UTP4: variants seen among roughly 807,000 people sequenced by gnomAD.
The protein encoded by UTP4 is U3 small nucleolar RNA-associated protein 4 homolog.
A neutral mutation model predicts 82.4 loss-of-function variants in UTP4; 45 were observed. The ratio of observed to expected loss-of-function variants is 0.55; its 90% CI spans 0.43 to 0.70. UTP4 has a LOEUF of 0.70. Ranked by LOEUF, UTP4 falls within the 30% of genes least tolerant of loss-of-function variation. The pLI, the probability that UTP4 is intolerant of heterozygous loss-of-function variation, is 0.00. For missense variants in UTP4, 819 were observed against 858.3 expected, an observed-to-expected ratio of 0.95 and a Z score of 0.57; for synonymous variants, 348 against 300.3, an observed-to-expected ratio of 1.16 and a Z score of -1.64.
In UTP4 at chr16:69,163,148, C is replaced by T. The variant is rs201787711; in HGVS notation, c.1617C>T (p.Asn539=). 5.6e-6 allele frequency: 9 copies of T among 1,614,012 alleles called. No homozygotes were observed. The highest frequency in any genetic ancestry group is 1.6e-4 in the Middle Eastern group (1 of 6,062). Residue 539 remains asparagine, a synonymous_variant, in exon 14 of 17, where the codon AAC becomes AAT. Transcript: ENST00000314423. ...VTAMAIAPNT[N]NLVIAHSDQQ... ...CTATGGCTATTGCCCCCAATACCAA[C>T]AACCTTGTCATCGCTCATTCGGACC... is the stretch of plus-strand genomic sequence containing the variant.
chr16:69,154,064 AG>A, intron 9 of UTP4, among the ~76,000 whole-genome samples: 1 of 152,312 alleles, frequency 6.6e-6, no homozygotes. Flanking sequence ...GTGACAGCCT[AG>A]TGGCCTTTTT....
At chr16:69,156,443 C>T (rs192628218) in intron 11 of UTP4, among the ~76,000 whole-genome samples, 7 of 147,348 alleles carry the variant, frequency 4.8e-5, no homozygotes, top group Admixed American at 2.7e-4. Flanking sequence ...GCATTACAGG[C>T]GTGAGCCACC....
In UTP4 at chr16:69,168,976, C is replaced by G; in HGVS notation, c.*39C>G. 8.1e-7 allele frequency: 1 copy of G among 1,235,438 alleles called. No homozygotes were observed. Among genetic ancestry groups the G allele is most frequent in the East Asian group, 2.3e-5 (1 of 43,178 alleles). The allele number at this position is 1,235,438 out of a possible 1,614,324, so 76.5% of individuals were successfully genotyped here. On this transcript the variant is annotated 3_prime_UTR_variant, in exon 17 of 17. Transcript: ENST00000314423. Reference sequence around the variant, plus strand: ...CTGTGTCCTTCCTTGAACTGTCTACCCTGTTGCTTTTCACAAATCATGGTA... The same window carrying G: ...CTGTGTCCTTCCTTGAACTGTCTACGCTGTTGCTTTTCACAAATCATGGTA...
chr16:69,141,962 ATAT>A (rs1962970429), intron 5 of UTP4, among the ~76,000 whole-genome samples: 1 of 149,262 alleles, frequency 6.7e-6, no homozygotes, highest in Non-Finnish European at 1.5e-5. Flanking sequence ...AGCGTTAGGT[ATAT>A]CTCCTAATGC....
At chr16:69,151,760 C>G (rs1963275389) in intron 8 of UTP4, among the ~76,000 whole-genome samples, 1 of 151,744 alleles carries the variant, frequency 6.6e-6, no homozygotes, top group Non-Finnish European at 1.5e-5. Flanking sequence ...AGCAGCACAC[C>G]TAGTTCAGTT....
rs527919884 is a variant in UTP4, at chr16:69,151,482, C to T, written c.1002+578C>T. ...GACTACAGGTGCCCACCACCACGCC[C>T]GGCTAATTTTTTTATTTTTAGTAGA... On this transcript the variant is annotated intron_variant, in intron 8 of 16. Transcript: ENST00000314423. Among the ~76,000 whole-genome samples the T allele has an allele frequency of 2.5e-3, 385 of 151,944 alleles. 2 individuals carry two copies. The highest frequency in any genetic ancestry group is 8.9e-3 in the African/African-American group (367 of 41,438).
intron 13 of UTP4, among the ~76,000 whole-genome samples, chr16:69,160,947 A>G (rs1295155423): frequency 6.6e-6 from 1 of 152,012 alleles, no homozygotes; most frequent in Non-Finnish European, 1.5e-5. Flanking sequence ...ATCCTGTTTT[A>G]TTTTTATGGA....
At chr16:69,137,938 T>A in intron 4 of UTP4, 53 bp downstream of exon 4, 3 of 1,055,122 alleles carry the variant, frequency 2.8e-6, no homozygotes, top group Non-Finnish European at 4.5e-6. Context: ...AAATTAAGTT[T>A]CTGTGCCACT....
intron 5 of UTP4, among the ~76,000 whole-genome samples, 167 bp downstream of exon 5, chr16:69,140,081 C>A (rs961078657): frequency 3.3e-5 from 5 of 152,152 alleles, no homozygotes; most frequent in African/African-American, 9.7e-5. Context: ...TGGATTACTA[C>A]CACTGCTTTT....
chr16:69,160,295 A>G, intron 12 of UTP4, 61 bp from the exon 13 acceptor site: 1 of 1,311,454 alleles, frequency 7.6e-7, no homozygotes, highest in Non-Finnish European at 1.1e-6. Context: ...CATCATCTCC[A>G]GGGCAGGTCT....
Position 69,165,476 on chromosome 16 carries a change from C to T in UTP4, c.1783C>T (p.His595Tyr). The change falls in exon 15 of 17, where the codon CAC becomes TAC. Residue 595 changes from histidine to tyrosine, a missense_variant. His to Tyr is a moderately conservative substitution (Grantham distance 83). Coordinates refer to ENST00000314423, the MANE Select transcript of UTP4 (RefSeq NM_032830.3). ...CAGTTTTCATCCCAAGAGACCGATGCACATCCTTCTCCATGATGCCTACAT... is the reference window on the plus strand; with the variant it reads ...CAGTTTTCATCCCAAGAGACCGATGTACATCCTTCTCCATGATGCCTACAT... ...HISFHPKRPM[H>Y]ILLHDAYMFC... is the part of the protein sequence containing the mutation. 6.2e-7 allele frequency: 1 copy of T among 1,614,096 alleles called. No homozygotes were observed. The highest frequency in any genetic ancestry group is 1.1e-5 in the South Asian group (1 of 91,086).
intron 6 of UTP4, among the ~76,000 whole-genome samples, chr16:69,147,537 T>C (rs1177679433): frequency 6.6e-6 from 1 of 151,996 alleles, no homozygotes; most frequent in East Asian, 1.9e-4. Flanking sequence ...ATAATAATGC[T>C]ACTCTGAACA....
intron 16 of UTP4, 136 bp downstream of exon 16, chr16:69,167,321 T>A (rs1963726760): frequency 1.4e-6 from 1 of 694,608 alleles, no homozygotes; most frequent in Non-Finnish European, 2.6e-6. Flanking sequence ...CAAGTCACCT[T>A]TTTGAGGCTG....
chr16:69,153,566 C>A lies in UTP4; in HGVS notation c.1003-18C>A, dbSNP rs374852903. 1 of 1,596,134 alleles carries A rather than the reference C, an allele frequency of 6.3e-7. No individual in the cohort carries two copies. Among genetic ancestry groups the A allele is most frequent in the Non-Finnish European group, 8.6e-7 (1 of 1,165,142 alleles). On this transcript the variant is annotated intron_variant, in intron 8 of 16. Transcript: ENST00000314423. ...TGACCCTGACTTATTTTTTTAACTTCTTGATTCTTGGATATAGCGATGTCT... is the reference window on the plus strand; with the variant it reads ...TGACCCTGACTTATTTTTTTAACTTATTGATTCTTGGATATAGCGATGTCT...
chr16:69,164,857 CAA>C (rs1323872818), intron 14 of UTP4, among the ~76,000 whole-genome samples: 1 of 151,818 alleles, frequency 6.6e-6, no homozygotes, highest in African/African-American at 2.4e-5. Context: ...CACTGAGCAA[CAA>C]AAGCAAGATA....
intron 16 of UTP4, among the ~76,000 whole-genome samples, chr16:69,168,211 C>T (rs1242149620): frequency 2.6e-5 from 4 of 151,796 alleles, no homozygotes; most frequent in Non-Finnish European, 4.4e-5. Flanking sequence ...CCAAGGTGGG[C>T]GGATCACGAG....
chr16:69,153,436 G>A (rs1001714369), intron 8 of UTP4, 148 bp from the exon 9 acceptor site: 1 of 690,442 alleles, frequency 1.4e-6, no homozygotes. Context: ...TCAGGGCAGT[G>A]CCTGGCATAT....
intron 8 of UTP4, among the ~76,000 whole-genome samples, chr16:69,152,521 G>A (rs1167106245): frequency 2.0e-5 from 3 of 148,292 alleles, no homozygotes; most frequent in Non-Finnish European, 4.5e-5. Flanking sequence ...CCAGGCTGGA[G>A]TGTAGTAGTG....
chr16:69,156,878 A>G (rs1025537258), intron 11 of UTP4, among the ~76,000 whole-genome samples: 3 of 152,198 alleles, frequency 2.0e-5, no homozygotes, highest in Non-Finnish European at 4.4e-5. Flanking sequence ...CGACTTAGTT[A>G]TTTCCTTGAT....
Sources: gnomAD v4.1 joint callset for allele counts (sites outside exome capture counted in the v4.1 genomes callset) on GRCh38, gnomAD v4.1.1 for gene constraint, MANE v1.5 for transcripts, NCBI Gene and HGNC (gene_info 2026-07-23, HGNC 2026-07-21) for gene names.